The following RFC3 variants were observed in gnomAD, a reference collection of about 807,000 sequenced individuals.
RFC3 encodes the protein replication factor C subunit 3.
Under a neutral mutation model 45.1 loss-of-function variants are expected in RFC3, and 41 were observed. That is an observed-to-expected ratio of 0.91 (90% CI 0.71 to 1.18). RFC3 has a LOEUF of 1.18. Among genes scored for constraint, RFC3 ranks in the 50% most tolerant of loss-of-function variants. The probability of loss-of-function intolerance (pLI) is 0.00; values close to 1 mark genes in which losing one functional copy is unlikely to be tolerated. For missense variants in RFC3, 423 were observed against 428.1 expected (o/e 0.99, Z 0.10); for synonymous variants, 149 against 144.0 (o/e 1.03, Z -0.25).
At chr13:33,915,748 C>T (rs889294587) in intron 8 of RFC3, among the ~76,000 whole-genome samples, 5 of 151,866 alleles carry the variant, frequency 3.3e-5, no homozygotes, top group African/African-American at 9.7e-5. Flanking sequence ...TAAAATTATT[C>T]GTAATGATTC....
chr13:33,909,673 A>G (rs2082692744), intron 8 of RFC3, among the ~76,000 whole-genome samples: 1 of 151,986 alleles, frequency 6.6e-6, no homozygotes, highest in African/African-American at 2.4e-5. Flanking sequence ...TTCTTTCTTC[A>G]GCCTGAAGGT....
chr13:33,956,744 A>G (rs1231266671), intron 8 of RFC3, among the ~76,000 whole-genome samples: 1 of 152,212 alleles, frequency 6.6e-6, no homozygotes, highest in Non-Finnish European at 1.5e-5. Flanking sequence ...GATTGTTTGT[A>G]AAACAGGAAA....
chr13:33,929,636 T>G (rs2082839234), intron 8 of RFC3, among the ~76,000 whole-genome samples: 3 of 152,092 alleles, frequency 2.0e-5, no homozygotes, highest in Non-Finnish European at 4.4e-5. Flanking sequence ...AATTTTAAAC[T>G]TACCTATAAT....
At chr13:33,892,863 A>G (rs2082572158) in intron 8 of RFC3, among the ~76,000 whole-genome samples, 1 of 152,160 alleles carries the variant, frequency 6.6e-6, no homozygotes, top group Admixed American at 6.5e-5. Context: ...AGGTAATTGA[A>G]TTTCTATATT....
chr13:33,884,147 A>T (rs2082504626), intron 8 of RFC3, among the ~76,000 whole-genome samples: 1 of 152,190 alleles, frequency 6.6e-6, no homozygotes, highest in African/African-American at 2.4e-5. Flanking sequence ...TGGAAACCTG[A>T]CATTCCACCC....
intron 8 of RFC3, among the ~76,000 whole-genome samples, chr13:33,900,255 A>G (rs2082631537): frequency 6.6e-6 from 1 of 152,078 alleles, no homozygotes; most frequent in Admixed American, 6.6e-5. Flanking sequence ...AGCGGGAGGC[A>G]TTACACTACT....
chr13:33,847,799 T>G (rs1308781509), intron 8 of RFC3: 1 of 152,260 alleles, frequency 6.6e-6, no homozygotes, highest in Non-Finnish European at 1.5e-5. Context: ...GAATTCTTGC[T>G]CTGTATCCAG....
chr13:33,867,373 CTG>C (rs2137554155), intron 8 of RFC3, among the ~76,000 whole-genome samples: 1 of 152,294 alleles, frequency 6.6e-6, no homozygotes, highest in Non-Finnish European at 1.5e-5. Flanking sequence ...CTTTCTTTCC[CTG>C]TGATTCTGTT....
intron 8 of RFC3, among the ~76,000 whole-genome samples, chr13:33,903,429 G>A (rs79311442): frequency 0.032 from 4,939 of 152,128 alleles, 130 homozygotes; most frequent in Non-Finnish European, 0.047. Context: ...CTCGTGATAA[G>A]TTTTGAGTGT....
chr13:33,927,564 T>C (rs1016221300), intron 8 of RFC3, among the ~76,000 whole-genome samples: 4 of 152,166 alleles, frequency 2.6e-5, no homozygotes, highest in Non-Finnish European at 5.9e-5. Context: ...GTGTGACTCA[T>C]GTAGCAATTA....
At chr13:33,865,850 T>C (rs1273537477) in intron 8 of RFC3, among the ~76,000 whole-genome samples, 1 of 152,036 alleles carries the variant, frequency 6.6e-6, no homozygotes, top group Non-Finnish European at 1.5e-5. Flanking sequence ...GGTCGGGAGT[T>C]CCAGACCAGC....
chr13:33,911,420 G>A (rs2082703123), intron 8 of RFC3, among the ~76,000 whole-genome samples: 2 of 152,082 alleles, frequency 1.3e-5, no homozygotes, highest in South Asian at 2.1e-4. Flanking sequence ...GGTTATTAAA[G>A]CAAGTATTTT....
chr13:33,925,254 ACATATAGTG>A (rs2082799440), intron 8 of RFC3, among the ~76,000 whole-genome samples: 1 of 48,362 alleles, frequency 2.1e-5, no homozygotes, highest in Non-Finnish European at 3.7e-5. Context: ...ATATACATAC[ACATATAGTG>A]TACTATATAC....
At chr13:33,956,936 T>C (rs990422631) in intron 8 of RFC3, among the ~76,000 whole-genome samples, 8 of 152,198 alleles carry the variant, frequency 5.3e-5, no homozygotes, top group African/African-American at 1.9e-4. Flanking sequence ...CTAATATCTG[T>C]CTGTATATAT....
intron 8 of RFC3, chr13:33,848,217 A>G (rs1289466965): frequency 6.6e-6 from 1 of 151,836 alleles, no homozygotes; most frequent in Non-Finnish European, 1.5e-5. Flanking sequence ...GACCTTTCCC[A>G]TTGTTCCTTT....
intron 8 of RFC3, among the ~76,000 whole-genome samples, chr13:33,870,515 C>T (rs1365878434): frequency 6.6e-6 from 1 of 152,152 alleles, no homozygotes; most frequent in Non-Finnish European, 1.5e-5. Context: ...GACTTTTTGT[C>T]TCTGGAAGGC....
At chr13:33,925,086 T>C (rs1043484268) in intron 8 of RFC3, among the ~76,000 whole-genome samples, 1 of 148,414 alleles carries the variant, frequency 6.7e-6, no homozygotes, top group Non-Finnish European at 1.5e-5. Flanking sequence ...TATACACGCA[T>C]ATATAGTGTA....
intron 8 of RFC3, among the ~76,000 whole-genome samples, chr13:33,950,962 C>T (rs2082986199): frequency 6.6e-6 from 1 of 151,712 alleles, no homozygotes; most frequent in Admixed American, 6.6e-5. Flanking sequence ...TCTTCCTCTC[C>T]ATGCCATACA....
intron 8 of RFC3, among the ~76,000 whole-genome samples, chr13:33,962,803 G>A (rs2083065433): frequency 6.6e-6 from 1 of 152,118 alleles, no homozygotes; most frequent in Non-Finnish European, 1.5e-5. Context: ...GAGGTTAGAG[G>A]CATGAGGCTT....
Sources: allele counts gnomAD v4.1 joint callset (sites outside exome capture counted in the v4.1 genomes callset), GRCh38; gene constraint gnomAD v4.1.1; transcripts MANE v1.5; gene names NCBI Gene and HGNC (gene_info 2026-07-23, HGNC 2026-07-21).